The following XPO1 variants were observed in gnomAD, a reference collection of about 807,000 sequenced individuals.
The protein encoded by XPO1 is exportin 1, also known as exportin-1.
A neutral mutation model predicts 133.3 loss-of-function variants in XPO1; 5 were observed. That is an observed-to-expected ratio of 0.04 (90% CI 0.02 to 0.08). The LOEUF is 0.08. Among genes scored for constraint, XPO1 ranks in the 10% least tolerant of loss-of-function variants. XPO1 has a pLI of 1.00. For missense variants in XPO1, 506 were observed against 1,267.5 expected (o/e 0.40, Z 9.12); for synonymous variants, 419 against 408.2 (o/e 1.03, Z -0.32).
chr2:61,495,386 A>G, intron 11 of XPO1, 69 bp downstream of exon 11: 1 of 1,331,250 alleles, frequency 7.5e-7, no homozygotes, highest in South Asian at 1.9e-5. Flanking sequence ...ACATTTTAGA[A>G]AAAGGCACTT....
intron 11 of XPO1, among the ~76,000 whole-genome samples, chr2:61,495,054 G>C (rs969089222): frequency 6.6e-6 from 1 of 151,908 alleles, no homozygotes; most frequent in Non-Finnish European, 1.5e-5. Context: ...ATGTAGGCCA[G>C]GCTGGTCTCG....
intron 4 of XPO1, among the ~76,000 whole-genome samples, chr2:61,518,368 C>T (rs1338001190): frequency 2.7e-5 from 4 of 150,646 alleles, no homozygotes; most frequent in East Asian, 3.9e-4. Flanking sequence ...CTGGCTAACA[C>T]GGTGAAACCC....
At chr2:61,510,201 C>T (rs899661074) in intron 4 of XPO1, among the ~76,000 whole-genome samples, 4 of 152,176 alleles carry the variant, frequency 2.6e-5, no homozygotes, top group African/African-American at 9.6e-5. Context: ...CGCTTCAACC[C>T]GGAAGGCAGA....
intron 1 of XPO1, 110 bp downstream of exon 1, chr2:61,537,452 C>G (rs1420128018): frequency 6.8e-6 from 1 of 147,822 alleles, no homozygotes; most frequent in African/African-American, 2.4e-5. Flanking sequence ...CCCGCCGCCT[C>G]CCGGGCTCGC....
chr2:61,497,088 A>T, intron 9 of XPO1, 81 bp from the exon 10 acceptor site: 1 of 1,497,976 alleles, frequency 6.7e-7, no homozygotes, highest in Non-Finnish European at 8.9e-7. Context: ...AAAAGGAAAA[A>T]GGCTTTAACA....
chr2:61,526,065 G>C lies in XPO1; in HGVS notation c.228+355C>G, dbSNP rs1219545595. Reference sequence around the variant, plus strand: ...ACACAACTTGGTGTCAGAGGTGCCTGGCCTGTATTATATTGATTACTTGCC... The same window carrying C: ...ACACAACTTGGTGTCAGAGGTGCCTCGCCTGTATTATATTGATTACTTGCC... On this transcript the variant is annotated intron_variant, in intron 3 of 24. Coordinates refer to ENST00000401558, the MANE Select transcript of XPO1 (RefSeq NM_003400.4). The C allele has an allele frequency of 2.1e-5, 23 of 1,091,546 alleles. 1 individual carries two copies. Among genetic ancestry groups the C allele is most frequent in the Middle Eastern group, 8.0e-4 (2 of 2,514 alleles). 67.6% of individuals were successfully genotyped at this position (1,091,546 alleles called of 1,614,324 possible). A position where few individuals can be genotyped will look rare whatever the true frequency, so the allele number is the denominator to read the frequency against.
intron 2 of XPO1, among the ~76,000 whole-genome samples, chr2:61,529,238 G>T (rs76483456): frequency 0.011 from 1,653 of 152,274 alleles, 31 homozygotes; most frequent in African/African-American, 0.038. Flanking sequence ...ACTTTATCAT[G>T]GGTTTAATTC....
chr2:61,500,950 G>A (rs553915083), intron 6 of XPO1, among the ~76,000 whole-genome samples: 1 of 152,292 alleles, frequency 6.6e-6, no homozygotes, highest in African/African-American at 2.4e-5. Flanking sequence ...AAGAGAGGAC[G>A]CACTGCAATC....
rs111352423 is a variant in XPO1, at chr2:61,492,785, A to C, written c.1385-37T>G. On this transcript the variant is annotated intron_variant, in intron 13 of 24. Coordinates refer to ENST00000401558, the MANE Select transcript of XPO1 (RefSeq NM_003400.4). The surrounding 1 kb of genome is among the most constrained non-coding windows in gnomAD (Gnocchi z 5.6). ...AACATGGTTTCAAATGCAAATAATG[A>C]GCAGAATTTTATTGATGAGTAACAA... 6.3e-7 allele frequency: 1 copy of C among 1,599,272 alleles called. No homozygotes were observed.
chr2:61,485,647 A>G, intron 20 of XPO1, 121 bp downstream of exon 20: 1 of 935,814 alleles, frequency 1.1e-6, no homozygotes, highest in Non-Finnish European at 1.6e-6. Context: ...CTAATATACA[A>G]GTTTAAATAT....
intron 4 of XPO1, among the ~76,000 whole-genome samples, chr2:61,509,398 G>A (rs568846256): frequency 1.6e-4 from 25 of 152,214 alleles, no homozygotes; most frequent in African/African-American, 2.4e-4. Context: ...AACACAAGGC[G>A]GGCGGCTCAC....
chr2:61,504,872 C>T (rs770836744), intron 4 of XPO1, among the ~76,000 whole-genome samples: 1 of 151,954 alleles, frequency 6.6e-6, no homozygotes, highest in Non-Finnish European at 1.5e-5. Flanking sequence ...ATGGACTTTC[C>T]TAATTACGAA....
In XPO1 at chr2:61,497,024, A is replaced by AG. The variant is rs1697271352; in HGVS notation, c.760-18dup. ...ATTCAGGAACTATTTAAAAGGGGGG[A>AG]GGGAACCATAAAATTAATTGGCCTG... On this transcript the variant is annotated splice_polypyrimidine_tract_variant and intron_variant, in intron 9 of 24. Transcript: ENST00000401558. 2 of 1,593,984 alleles carry AG rather than the reference A, an allele frequency of 1.3e-6. No homozygotes were observed. Among genetic ancestry groups the AG allele is most frequent in the Middle Eastern group, 1.7e-4 (1 of 5,978 alleles).
At chr2:61,486,277 A>T (rs1696689245) in intron 19 of XPO1, among the ~76,000 whole-genome samples, 1 of 151,898 alleles carries the variant, frequency 6.6e-6, no homozygotes, top group Non-Finnish European at 1.5e-5. Context: ...AGGTTCAAGC[A>T]ATTCTTGTGC....
intron 4 of XPO1, among the ~76,000 whole-genome samples, chr2:61,505,084 C>T (rs375185806): frequency 2.6e-5 from 4 of 152,196 alleles, no homozygotes; most frequent in South Asian, 2.1e-4. Flanking sequence ...CATCACAGCT[C>T]ACTGCAGCCT....
intron 4 of XPO1, among the ~76,000 whole-genome samples, chr2:61,521,245 A>T (rs1052090366): frequency 1.3e-5 from 2 of 152,214 alleles, no homozygotes; most frequent in Non-Finnish European, 2.9e-5. Flanking sequence ...AAATGTGCTC[A>T]AACTTTGTCA....
intron 4 of XPO1, among the ~76,000 whole-genome samples, chr2:61,507,286 AAAAC>A (rs1264239006): frequency 1.3e-5 from 2 of 150,738 alleles, no homozygotes; most frequent in Non-Finnish European, 3.0e-5. Context: ...ACAAAAATCA[AAAAC>A]AAGTCACGCA....
rs1431677867 is a variant in XPO1 at position 61,538,309 on chromosome 2, A to G, written c.-754T>C. The G allele has an allele frequency of 6.3e-6, 1 of 157,526 alleles. No individual in the cohort carries two copies. Among genetic ancestry groups the G allele is most frequent in the Non-Finnish European group, 1.4e-5 (1 of 71,466 alleles). 9.8% of individuals were successfully genotyped at this position (157,526 alleles called of 1,614,324 possible). ...AAACCGGTTCAGACTGGGAGATTCC[A>G]TCTCGGTTGAGTTTTCAGCCCATGG... On this transcript the variant is annotated 5_prime_UTR_variant, in exon 1 of 25. It removes an upstream start codon present in the reference 5' UTR. Coordinates refer to ENST00000401558, the MANE Select transcript of XPO1 (RefSeq NM_003400.4).
At chr2:61,530,587 A>G (rs1168190747) in intron 2 of XPO1, among the ~76,000 whole-genome samples, 7 of 152,276 alleles carry the variant, frequency 4.6e-5, no homozygotes, top group South Asian at 2.1e-4. Context: ...AAAAATGCTG[A>G]TAACAGAGGG....
Sources: allele counts gnomAD v4.1 joint callset (sites outside exome capture counted in the v4.1 genomes callset), GRCh38; gene constraint gnomAD v4.1.1; non-coding constraint Gnocchi (gnomAD v3.1); transcripts MANE v1.5; gene names NCBI Gene and HGNC (gene_info 2026-07-23, HGNC 2026-07-21).